Variants in E2F8 observed in about 807,000 individuals in gnomAD.
E2F8 encodes transcription factor E2F8.
E2F8 carries 35 observed loss-of-function variants against 80.8 expected under a neutral mutation model. The observed-to-expected ratio is 0.43, with a 90% CI of 0.33 to 0.57. The LOEUF is 0.57. Among genes scored for constraint, E2F8 ranks in the 20% least tolerant of loss-of-function variants. The pLI is 0.04. For missense variants in E2F8, 975 were observed against 1,056.2 expected (o/e 0.92, Z 1.07); for synonymous variants, 386 against 395.0 (o/e 0.98, Z 0.27).
chr11:19,230,426 A>G (rs1851346960), intron 8 of E2F8, 98 bp from the exon 9 acceptor site: 2 of 1,293,628 alleles, frequency 1.5e-6, no homozygotes, highest in Non-Finnish European at 2.2e-6. Flanking sequence ...GAAAGTGTGC[A>G]CCTCCCCTCA....
chr11:19,229,895 C>G lies in E2F8; in HGVS notation c.1452G>C (p.Glu484Asp). The G allele has an allele frequency of 6.2e-7, 1 of 1,614,054 alleles. No individual in the cohort carries two copies. The highest frequency in any genetic ancestry group is 8.5e-7 in the Non-Finnish European group (1 of 1,180,016). ...PLDPPVNAEM[E>D]LTAPSLIQPL... ...GCTGGATGAGGGACGGTGCTGTCAG[C>G]TCCATCTCAGCATTCACTGGGGGGT... The change falls in exon 10 of 13, where the codon GAG becomes GAC. Residue 484 changes from glutamate (E) to aspartate (D), a missense_variant. By Grantham distance (45) the Glu-to-Asp change is conservative. Coordinates refer to ENST00000250024, the MANE Select transcript of E2F8 (RefSeq NM_024680.4). The surrounding 1 kb of genome is among the most constrained non-coding windows in gnomAD (Gnocchi z 4.3).
rs1370707584 is a variant in E2F8, at chr11:19,224,691, T to A, written c.2571A>T (p.Arg857=). The A allele has an allele frequency of 6.2e-7, 1 of 1,614,238 alleles. No homozygotes were observed. The highest frequency in any genetic ancestry group is 1.3e-5 in the African/African-American group (1 of 75,068). The part of the protein sequence containing the change: ...TSLGTLFVPQ[R]KLEVSTEDVH Reference sequence around the variant, plus strand: ...CATCCTCTGTTGAGACTTCCAGTTTTCGCTGTGGGACAAAGAGAGTTCCTA... The same window carrying A: ...CATCCTCTGTTGAGACTTCCAGTTTACGCTGTGGGACAAAGAGAGTTCCTA... Residue 857 remains arginine (R), a synonymous_variant, in exon 13 of 13, where the codon CGA becomes CGT. Coordinates refer to ENST00000250024, the MANE Select transcript of E2F8 (RefSeq NM_024680.4).
intron 7 of E2F8, 104 bp downstream of exon 7, chr11:19,232,130 G>T: frequency 6.7e-7 from 1 of 1,481,558 alleles, no homozygotes; most frequent in Non-Finnish European, 9.1e-7. Context: ...TGAACAATGA[G>T]AACACATGGA....
chr11:19,230,831 G>A lies in E2F8; in HGVS notation c.1070C>T (p.Ser357Phe). ...GGGAGTAAAATGAATGACTGGGCTG[G>A]AGCCTGAAACAGAAAACGTCTGTGT... ...GPEISPNTSG[S>F]SPVIHFTPSD... The change falls in exon 8 of 13, where the codon TCC becomes TTC. Residue 357 changes from serine (S) to phenylalanine (F), a missense_variant. By Grantham distance (155) the Ser-to-Phe change is radical. Transcript: ENST00000250024. 6.2e-7 allele frequency: 1 copy of A among 1,614,026 alleles called. No individual in the cohort carries two copies. Among genetic ancestry groups the A allele is most frequent in the South Asian group, 1.1e-5 (1 of 91,070 alleles).
Position 19,240,236 on chromosome 11 carries a change from A to G in E2F8, c.-109-6T>C, listed in dbSNP as rs1851623726. 8.5e-6 allele frequency: 5 copies of G among 588,458 alleles called. No homozygotes were observed. The highest frequency in any genetic ancestry group is 1.4e-5 in the Non-Finnish European group (5 of 363,734). 36.5% of individuals were successfully genotyped at this position (588,458 alleles called of 1,614,324 possible). A position where few individuals can be genotyped will look rare whatever the true frequency, so the allele number is the denominator to read the frequency against. On this transcript the variant is annotated splice_polypyrimidine_tract_variant and splice_region_variant and intron_variant, in intron 1 of 12. Transcript: ENST00000250024. ...GTACTAAAAGTTTTAATATCCTTAAAGAAAAAAGGAAATAGAAAAAGTTAG... is the reference window on the plus strand; with the variant it reads ...GTACTAAAAGTTTTAATATCCTTAAGGAAAAAAGGAAATAGAAAAAGTTAG...
intron 3 of E2F8, 91 bp from the exon 4 acceptor site, chr11:19,237,561 TACAC>T (rs1336203536): frequency 1.5e-6 from 2 of 1,356,510 alleles, no homozygotes; most frequent in Non-Finnish European, 2.0e-6. Flanking sequence ...GACACCAACT[TACAC>T]ACGCTTAGCT....
Sources: gnomAD v4.1 joint callset for allele counts on GRCh38, gnomAD v4.1.1 for gene constraint, Gnocchi (gnomAD v3.1) non-coding constraint, MANE v1.5 for transcripts, NCBI Gene and HGNC (gene_info 2026-07-23, HGNC 2026-07-21) for gene names.